Variants in CACNA1B observed in about 807,000 individuals in gnomAD.
The protein encoded by CACNA1B is calcium voltage-gated channel subunit alpha1 B, also known as voltage-dependent N-type calcium channel subunit alpha-1B.
Under a neutral mutation model 247.2 loss-of-function variants are expected in CACNA1B, and 70 were observed. The ratio of observed to expected loss-of-function variants is 0.28; its 90% CI spans 0.23 to 0.35. The LOEUF is 0.35. Among genes scored for constraint, CACNA1B ranks in the 10% least tolerant of loss-of-function variants. The probability of loss-of-function intolerance (pLI) is 1.00; values close to 1 mark genes in which losing one functional copy is unlikely to be tolerated. For synonymous variants in CACNA1B, 1,231 were observed against 1,294.4 expected, an observed-to-expected ratio of 0.95 and a Z score of 1.05; for missense variants, 2,367 against 3,197.4, an observed-to-expected ratio of 0.74 and a Z score of 6.26.
chr9:137,947,310 C>T (rs373534471), intron 6 of CACNA1B, among the ~76,000 whole-genome samples: 19 of 152,242 alleles, frequency 1.2e-4, no homozygotes, highest in African/African-American at 4.3e-4. Flanking sequence ...GGGGGGTGGG[C>T]CGCAAAGGGA....
chr9:137,987,141 A>G, intron 15 of CACNA1B, among the ~76,000 whole-genome samples: 1 of 152,178 alleles, frequency 6.6e-6, no homozygotes, highest in East Asian at 1.9e-4. Flanking sequence ...TCAAGCCACC[A>G]GTGTATCTCT....
intron 10 of CACNA1B, among the ~76,000 whole-genome samples, chr9:137,966,801 G>A (rs1319624574): frequency 2.0e-5 from 3 of 152,166 alleles, no homozygotes; most frequent in Non-Finnish European, 4.4e-5. Flanking sequence ...GCCTCCCAAA[G>A]TGCTGGGATT....
rs1474336159 is a variant in CACNA1B, at chr9:137,957,679, G to A, written c.1325G>A (p.Cys442Tyr). ...GGAGAGGACCGGTTTGCAGATCTCT[G>A]TGCTGTTGGTGAGTCTCAGGGTGTC... ...EEGEDRFADL[C>Y]AVGSPFARAS... The change falls in exon 10 of 47, where the codon TGT becomes TAT. Residue 442 changes from cysteine to tyrosine, a missense_variant. By Grantham distance (194) the Cys-to-Tyr change is radical. Transcript: ENST00000371372. This position sits in a 1 kb window ranked among gnomAD's most constrained non-coding sequence, Gnocchi z 4.7. The A allele has an allele frequency of 1.9e-6, 3 of 1,593,506 alleles. No individual in the cohort carries two copies. Among genetic ancestry groups the A allele is most frequent in the Non-Finnish European group, 2.6e-6 (3 of 1,169,834 alleles).
At chr9:138,109,449 T>G (rs934443785) in intron 39 of CACNA1B, among the ~76,000 whole-genome samples, 1 of 152,244 alleles carries the variant, frequency 6.6e-6, no homozygotes, top group African/African-American at 2.4e-5. Flanking sequence ...CCTCTTCTCT[T>G]GGCTGGTAAA....
At chr9:137,905,401 G>T (rs1588995866) in intron 3 of CACNA1B, among the ~76,000 whole-genome samples, 1 of 150,154 alleles carries the variant, frequency 6.7e-6, no homozygotes, top group African/African-American at 2.4e-5. Flanking sequence ...AATTATATTT[G>T]TAAATTTAGC....
intron 6 of CACNA1B, among the ~76,000 whole-genome samples, chr9:137,929,151 A>G (rs915513396): frequency 2.6e-5 from 4 of 152,202 alleles, no homozygotes; most frequent in Non-Finnish European, 1.5e-5. Flanking sequence ...CATTTGAGGA[A>G]CCACCAAACT....
chr9:137,945,071 C>T (rs967388790), intron 6 of CACNA1B, among the ~76,000 whole-genome samples: 1 of 152,188 alleles, frequency 6.6e-6, no homozygotes, highest in Non-Finnish European at 1.5e-5. Flanking sequence ...ATTTACCCTG[C>T]CTTTTGCAAA....
intron 15 of CACNA1B, among the ~76,000 whole-genome samples, chr9:137,996,529 C>T (rs1042751627): frequency 6.6e-6 from 1 of 151,740 alleles, no homozygotes; most frequent in Non-Finnish European, 1.5e-5. Context: ...GGGAGGGGGA[C>T]GAGGAATAAA....
intron 31 of CACNA1B, among the ~76,000 whole-genome samples, chr9:138,063,982 G>A (rs557455964): frequency 6.6e-6 from 1 of 152,080 alleles, no homozygotes; most frequent in South Asian, 2.1e-4. Flanking sequence ...TGGTGGGTTC[G>A]GCCAGTTAGT....
rs1192538334 is a variant in CACNA1B, at chr9:138,014,551, C to T, written c.2267+1316C>T. Among the ~76,000 whole-genome samples the T allele has an allele frequency of 2.6e-5, 4 of 152,082 alleles. No individual in the cohort carries two copies. The highest frequency in any genetic ancestry group is 6.6e-5 in the Admixed American group (1 of 15,264). On this transcript the variant is annotated intron_variant, in intron 18 of 46. Coordinates refer to ENST00000371372, the MANE Select transcript of CACNA1B (RefSeq NM_000718.4). The surrounding 1 kb of genome is among the most constrained non-coding windows in gnomAD (Gnocchi z 6.2). The stretch of plus-strand genomic sequence containing the variant: ...CGATCTTTCATTGTCTTGGCCAATT[C>T]GGTTATTTGGTTCATTAGTTATTTA...
chr9:137,924,299 G>GCCTT (rs200024742), intron 6 of CACNA1B, among the ~76,000 whole-genome samples: 42 of 150,162 alleles, frequency 2.8e-4, no homozygotes, highest in African/African-American at 7.4e-4. Context: ...TTGCCTGCCT[G>GCCTT]CCTTCCTTCC....
intron 20 of CACNA1B, chr9:138,040,604 A>C (rs1052292983): frequency 2.3e-6 from 1 of 438,544 alleles, no homozygotes; most frequent in South Asian, 1.6e-5. Flanking sequence ...CGAGTCTCAA[A>C]GCTGAACTTG....
At position 138,118,000 on chromosome 9, in the gene CACNA1B, C is replaced by T. The variant is rs1213023888; in HGVS notation, c.5832C>T (p.Thr1944=). Residue 1944 remains threonine, a synonymous_variant, in exon 43 of 47, where the codon ACC becomes ACT. Transcript: ENST00000371372. ...KESVSWGTQR[T]QDAPHEARPP... ...CTGTCTCCTGGGGCACTCAAAGGACCCAGGATGCACCCCATGAGGCCAGGC... is the reference window on the plus strand; with the variant it reads ...CTGTCTCCTGGGGCACTCAAAGGACTCAGGATGCACCCCATGAGGCCAGGC... 4.4e-6 allele frequency: 7 copies of T among 1,600,598 alleles called. No homozygotes were observed. The highest frequency in any genetic ancestry group is 6.0e-6 in the Non-Finnish European group (7 of 1,173,308).
intron 31 of CACNA1B, among the ~76,000 whole-genome samples, chr9:138,067,462 A>C (rs1339451810): frequency 6.6e-6 from 1 of 152,220 alleles, no homozygotes; most frequent in Non-Finnish European, 1.5e-5. Flanking sequence ...GCACTTTGGG[A>C]GGCTGAGGTG....
chr9:137,972,504 C>A (rs567644825), intron 11 of CACNA1B, among the ~76,000 whole-genome samples: 7 of 152,138 alleles, frequency 4.6e-5, no homozygotes, highest in Non-Finnish European at 8.8e-5. Context: ...TATCCCAGCT[C>A]CCAGTTCCAG....
At chr9:137,978,442 C>G (rs1009636030) in intron 12 of CACNA1B, among the ~76,000 whole-genome samples, 2 of 149,732 alleles carry the variant, frequency 1.3e-5, no homozygotes, top group African/African-American at 4.9e-5. Flanking sequence ...ACTGCCCCCC[C>G]GAGAAAGGAG....
Position 138,012,510 on chromosome 9 carries a change from G to T in CACNA1B, c.2161-619G>T, listed in dbSNP as rs965407413. Among the ~76,000 whole-genome samples the T allele has an allele frequency of 2.6e-5, 4 of 152,046 alleles. No homozygotes were observed. Among genetic ancestry groups the T allele is most frequent in the Admixed American group, 1.3e-4 (2 of 15,266 alleles). Reference sequence around the variant, plus strand: ...TGTACTCCCAGCACTTTGGGAGGCCGAGGTGGGAGGATCACTTGAGCCTAG... The same window carrying T: ...TGTACTCCCAGCACTTTGGGAGGCCTAGGTGGGAGGATCACTTGAGCCTAG... On this transcript the variant is annotated intron_variant, in intron 17 of 46. Coordinates refer to ENST00000371372, the MANE Select transcript of CACNA1B (RefSeq NM_000718.4). The surrounding 1 kb of genome is among the most constrained non-coding windows in gnomAD (Gnocchi z 4.2).
chr9:137,893,732 T>C (rs1287068584), intron 3 of CACNA1B, among the ~76,000 whole-genome samples: 1 of 152,104 alleles, frequency 6.6e-6, no homozygotes, highest in Non-Finnish European at 1.5e-5. Context: ...TAATAGGCAG[T>C]TGTAATAAAT....
chr9:137,968,561 C>A (rs917028732), intron 10 of CACNA1B, among the ~76,000 whole-genome samples: 7 of 152,226 alleles, frequency 4.6e-5, no homozygotes. Flanking sequence ...TTTGTTGCCC[C>A]CAGTGGCAAA....
Sources: gnomAD v4.1 joint callset for allele counts (sites outside exome capture counted in the v4.1 genomes callset) on GRCh38, gnomAD v4.1.1 for gene constraint, Gnocchi (gnomAD v3.1) non-coding constraint, MANE v1.5 for transcripts, NCBI Gene and HGNC (gene_info 2026-07-23, HGNC 2026-07-21) for gene names.